Variants in GALNTL6 observed in about 807,000 individuals in gnomAD.
GALNTL6 encodes polypeptide N-acetylgalactosaminyltransferase-like 6.
Under a neutral mutation model 73.7 loss-of-function variants are expected in GALNTL6, and 46 were observed. The observed-to-expected ratio is 0.62, with a 90% CI of 0.49 to 0.80. The LOEUF is 0.80. GALNTL6 is among the 30% of genes least tolerant of loss of function. GALNTL6 has a pLI of 0.00. For synonymous variants in GALNTL6, 259 were observed against 263.7 expected, an observed-to-expected ratio of 0.98 and a Z score of 0.17; for missense variants, 604 against 755.0, an observed-to-expected ratio of 0.80 and a Z score of 2.34.
chr4:172,111,074 T>C (rs1368390432), intron 2 of GALNTL6, among the ~76,000 whole-genome samples: 1 of 152,046 alleles, frequency 6.6e-6, no homozygotes, highest in East Asian at 1.9e-4. Flanking sequence ...AGCCCTCTTC[T>C]CACAGGCAAT....
chr4:172,252,934 T>TA (rs1292257379), intron 3 of GALNTL6, among the ~76,000 whole-genome samples: 1 of 151,814 alleles, frequency 6.6e-6, no homozygotes, highest in Non-Finnish European at 1.5e-5. Flanking sequence ...CATGTGCTAA[T>TA]AAAGGAAAAC....
At chr4:172,500,028 T>G (rs1328352526) in intron 5 of GALNTL6, among the ~76,000 whole-genome samples, 2 of 152,106 alleles carry the variant, frequency 1.3e-5, no homozygotes, top group African/African-American at 2.4e-5. Flanking sequence ...GCTGAAAAAT[T>G]TATAAATGGG....
chr4:172,711,417 G>A (rs1734696014), intron 5 of GALNTL6, among the ~76,000 whole-genome samples: 1 of 152,106 alleles, frequency 6.6e-6, no homozygotes, highest in Non-Finnish European at 1.5e-5. Context: ...CTTTTATTCT[G>A]AGTAAAATAG....
At chr4:172,081,506 C>T (rs531695954) in intron 2 of GALNTL6, among the ~76,000 whole-genome samples, 11 of 152,278 alleles carry the variant, frequency 7.2e-5, no homozygotes, top group South Asian at 6.2e-4. Context: ...GGCGTGGTAG[C>T]GCATGCCTGT....
In GALNTL6 at chr4:172,813,648, T is replaced by G. The variant is rs758028093; in HGVS notation, c.848T>G (p.Phe283Cys). Residue 283 changes from phenylalanine (F) to cysteine (C), a missense_variant, in exon 7 of 13, where the codon TTC (phenylalanine) becomes TGC (cysteine). Coordinates refer to ENST00000506823, the MANE Select transcript of GALNTL6 (RefSeq NM_001034845.3). Reference sequence around the variant, plus strand: ...GCTGGGGATGCCATGCGAGGAGCCTTCGACTGGGAAATGTACTACAAAAGA... The same window carrying G: ...GCTGGGGATGCCATGCGAGGAGCCTGCGACTGGGAAATGTACTACAAAAGA... Reference protein sequence around the residue: ...AQAGDAMRGAFDWEMYYKRIP... With the variant: ...AQAGDAMRGACDWEMYYKRIP... 6.2e-7 allele frequency: 1 copy of G among 1,613,522 alleles called. No individual in the cohort carries two copies. Among genetic ancestry groups the G allele is most frequent in the South Asian group, 1.1e-5 (1 of 91,000 alleles).
intron 11 of GALNTL6, among the ~76,000 whole-genome samples, chr4:173,009,718 G>A (rs1194691890): frequency 6.6e-6 from 1 of 152,194 alleles, no homozygotes; most frequent in Non-Finnish European, 1.5e-5. Context: ...CCCTGACCAT[G>A]AACAGATCAC....
intron 3 of GALNTL6, among the ~76,000 whole-genome samples, chr4:172,253,758 G>A (rs1003087238): frequency 2.0e-5 from 3 of 151,866 alleles, no homozygotes; most frequent in Non-Finnish European, 4.4e-5. Flanking sequence ...TTTCAAATAT[G>A]TCATTTTCAT....
At chr4:172,237,044 T>C (rs939763989) in intron 3 of GALNTL6, among the ~76,000 whole-genome samples, 4 of 152,174 alleles carry the variant, frequency 2.6e-5, no homozygotes, top group African/African-American at 9.7e-5. Context: ...AAAAACATGA[T>C]TTCATTCTTT....
chr4:171,972,506 G>C (rs1488970471), intron 2 of GALNTL6, among the ~76,000 whole-genome samples: 2 of 152,048 alleles, frequency 1.3e-5, no homozygotes, highest in African/African-American at 4.8e-5. Flanking sequence ...GAGAGCCTGT[G>C]GGTCATTTGA....
At chr4:172,474,989 A>G (rs1051261284) in intron 5 of GALNTL6, among the ~76,000 whole-genome samples, 1 of 152,212 alleles carries the variant, frequency 6.6e-6, no homozygotes, top group Non-Finnish European at 1.5e-5. Context: ...TCAAATCATA[A>G]TTGGATAGCT....
intron 5 of GALNTL6, among the ~76,000 whole-genome samples, chr4:172,379,423 G>A (rs1280485483): frequency 6.6e-6 from 1 of 151,418 alleles, no homozygotes; most frequent in Non-Finnish European, 1.5e-5. Context: ...CCAGCTACTT[G>A]GGAGGCTGAG....
rs545998255 is a variant in GALNTL6 at position 172,431,904 on chromosome 4, T to C, written c.553+83215T>C. Among the ~76,000 whole-genome samples the C allele has an allele frequency of 8.7e-4, 132 of 152,276 alleles. 2 individuals are homozygous for C. Among genetic ancestry groups the C allele is most frequent in the Non-Finnish European group, 2.1e-4 (14 of 67,998 alleles). ...GGAAATTTTCTTGCATTTATTTCCT[T>C]ACTTGTAACTATTATATGACACTAA... is the stretch of plus-strand genomic sequence containing the variant. On this transcript the variant is annotated intron_variant, in intron 5 of 12. Coordinates refer to ENST00000506823, the MANE Select transcript of GALNTL6 (RefSeq NM_001034845.3).
intron 11 of GALNTL6, among the ~76,000 whole-genome samples, chr4:173,009,954 T>G (rs1395094984): frequency 6.6e-6 from 1 of 152,230 alleles, no homozygotes. Context: ...AATCACATCA[T>G]GTAAAATGGT....
At chr4:172,861,661 G>A (rs886267845) in intron 7 of GALNTL6, among the ~76,000 whole-genome samples, 1 of 152,116 alleles carries the variant, frequency 6.6e-6, no homozygotes, top group Non-Finnish European at 1.5e-5. Context: ...GTCATGGGAG[G>A]GACCCAGTGG....
At chr4:172,416,426 A>G (rs1730840140) in intron 5 of GALNTL6, among the ~76,000 whole-genome samples, 2 of 152,188 alleles carry the variant, frequency 1.3e-5, no homozygotes, top group East Asian at 1.9e-4. Flanking sequence ...TATTCTTTCA[A>G]TTGTGTATTT....
At chr4:172,256,922 G>A (rs1738100423) in intron 3 of GALNTL6, among the ~76,000 whole-genome samples, 1 of 151,210 alleles carries the variant, frequency 6.6e-6, no homozygotes, top group African/African-American at 2.4e-5. Flanking sequence ...CTCATGGTAA[G>A]GTTCAGAAAA....
At chr4:171,900,313 T>C (rs932459619) in intron 2 of GALNTL6, among the ~76,000 whole-genome samples, 1 of 152,070 alleles carries the variant, frequency 6.6e-6, no homozygotes, top group Non-Finnish European at 1.5e-5. Flanking sequence ...ATTTTATTTA[T>C]TTATTTATTT....
chr4:172,481,954 G>C (rs1393772981), intron 5 of GALNTL6, among the ~76,000 whole-genome samples: 2 of 152,208 alleles, frequency 1.3e-5, no homozygotes, highest in African/African-American at 4.8e-5. Context: ...CCGTCGGGGA[G>C]GCTCGGGCTG....
At chr4:172,956,202 G>T (rs964284182) in intron 10 of GALNTL6, among the ~76,000 whole-genome samples, 1 of 152,172 alleles carries the variant, frequency 6.6e-6, no homozygotes, top group Non-Finnish European at 1.5e-5. Flanking sequence ...TAGGAGTGGC[G>T]TGGGAACCTA....
Sources: gnomAD v4.1 joint callset for allele counts (sites outside exome capture counted in the v4.1 genomes callset) on GRCh38, gnomAD v4.1.1 for gene constraint, MANE v1.5 for transcripts, NCBI Gene and HGNC (gene_info 2026-07-23, HGNC 2026-07-21) for gene names.